Variants in SPATA6 observed in about 807,000 individuals in gnomAD.
SPATA6 encodes spermatogenesis-associated protein 6.
In SPATA6, 56 loss-of-function variants were observed where a neutral mutation model predicts 65.3. The ratio of observed to expected loss-of-function variants is 0.86; its 90% CI spans 0.69 to 1.07. The LOEUF is 1.07. SPATA6 is among the 50% of genes least tolerant of loss of function. SPATA6 has a pLI of 0.00. For synonymous variants in SPATA6, 199 were observed against 213.2 expected, an observed-to-expected ratio of 0.93 and a Z score of 0.58; for missense variants, 590 against 594.8, an observed-to-expected ratio of 0.99 and a Z score of 0.08.
intron 9 of SPATA6, among the ~76,000 whole-genome samples, chr1:48,367,625 C>A (rs1014407780): frequency 4.6e-5 from 7 of 152,010 alleles, no homozygotes; most frequent in African/African-American, 1.7e-4. Context: ...CAACCCCTGC[C>A]TTTTTTTGTT....
rs1208076071 is a variant in SPATA6 at position 48,452,992 on chromosome 1, A to G, written c.189+2T>C. ...AATACTTGATCTGATATTTGAACTC[A>G]CCTTTTCAAACACCATTCTGGCATT... On this transcript the variant is annotated splice_donor_variant, in intron 2 of 12. Transcript: ENST00000371847. LOFTEE classifies it high-confidence loss of function. The G allele has an allele frequency of 6.2e-7, 1 of 1,610,608 alleles. No homozygotes were observed. Among genetic ancestry groups the G allele is most frequent in the Non-Finnish European group, 8.5e-7 (1 of 1,179,166 alleles).
chr1:48,387,098 C>A (rs1239870553), intron 8 of SPATA6, among the ~76,000 whole-genome samples: 1 of 152,176 alleles, frequency 6.6e-6, no homozygotes, highest in Non-Finnish European at 1.5e-5. Context: ...TCACGTCTTA[C>A]ATGGATGGCA....
intron 8 of SPATA6, among the ~76,000 whole-genome samples, chr1:48,390,887 C>T (rs1454855774): frequency 6.6e-6 from 1 of 152,098 alleles, no homozygotes; most frequent in African/African-American, 2.4e-5. Context: ...GTACCCTGAA[C>T]CATACCAGAA....
At chr1:48,285,445 T>C in the SPATA6 span, among the ~76,000 whole-genome samples, 3 of 149,018 alleles carry the variant, frequency 2.0e-5, no homozygotes, top group African/African-American at 7.5e-5. Context: ...AATGGTTGTG[T>C]CTCACTGACA....
In SPATA6 at chr1:48,428,479, T is replaced by C. The variant is rs577250988; in HGVS notation, c.239-15328A>G. 2.2e-3 allele frequency among the ~76,000 whole-genome samples: 330 copies of C among 152,148 alleles called. 1 individual carries two copies. The highest frequency in any genetic ancestry group is 3.9e-3 in the Non-Finnish European group (265 of 68,006). On this transcript the variant is annotated intron_variant, in intron 3 of 12. Transcript: ENST00000371847. ...TAATAATAATAATAACATAAAAACA[T>C]AGTCAACATGTTTTGTGCATTGCAC...
At chr1:48,434,996 C>T (rs985862950) in intron 3 of SPATA6, among the ~76,000 whole-genome samples, 2 of 150,392 alleles carry the variant, frequency 1.3e-5, no homozygotes, top group African/African-American at 4.9e-5. Flanking sequence ...AATTATATAA[C>T]TAATTTATTA....
At chr1:48,275,537 T>C in the SPATA6 span, among the ~76,000 whole-genome samples, 1 of 152,068 alleles carries the variant, frequency 6.6e-6, no homozygotes, top group African/African-American at 2.4e-5. Flanking sequence ...TCATTGAGAG[T>C]TTTTAGCAAG....
Position 48,298,654 on chromosome 1 carries a change from A to G in SPATA6, c.*59T>C, listed in dbSNP as rs981783905. 2 of 1,510,772 alleles carry G rather than the reference A, an allele frequency of 1.3e-6. No homozygotes were observed. The highest frequency in any genetic ancestry group is 1.8e-6 in the Non-Finnish European group (2 of 1,117,502). The allele number at this position is 1,510,772 out of a possible 1,614,324, so 93.6% of individuals were successfully genotyped here. A position where few individuals can be genotyped will look rare whatever the true frequency, so the allele number is the denominator to read the frequency against. ...AAAAAGGAATACAGATATTGATCACATCAAACATTTTCATTGAGAAATTGA... is the reference window on the plus strand; with the variant it reads ...AAAAAGGAATACAGATATTGATCACGTCAAACATTTTCATTGAGAAATTGA... On this transcript the variant is annotated 3_prime_UTR_variant, in exon 13 of 13. Coordinates refer to ENST00000371847, the MANE Select transcript of SPATA6 (RefSeq NM_019073.4).
At chr1:48,317,500 G>A (rs1397126722) in intron 11 of SPATA6, among the ~76,000 whole-genome samples, 2 of 152,014 alleles carry the variant, frequency 1.3e-5, no homozygotes, top group Non-Finnish European at 2.9e-5. Flanking sequence ...ACACAGGAAG[G>A]GGAACATCAC....
At chr1:48,336,858 T>C (rs940866310) in intron 11 of SPATA6, among the ~76,000 whole-genome samples, 2 of 151,860 alleles carry the variant, frequency 1.3e-5, no homozygotes, top group African/African-American at 4.8e-5. Context: ...AGTTTGATAA[T>C]ATAAATGAAA....
At chr1:48,276,621 G>T in the SPATA6 span, among the ~76,000 whole-genome samples, 2 of 152,118 alleles carry the variant, frequency 1.3e-5, no homozygotes, top group Non-Finnish European at 2.9e-5. Context: ...AGGTTTTTCA[G>T]TTTCCATATA....
At chr1:48,399,968 T>C (rs1423273277) in intron 6 of SPATA6, among the ~76,000 whole-genome samples, 1 of 13,046 alleles carries the variant, frequency 7.7e-5, no homozygotes, top group Non-Finnish European at 3.5e-3. Context: ...ACTAAAAAAG[T>C]GCAAACATTG....
chr1:48,342,105 C>T (rs1646231882), intron 11 of SPATA6, among the ~76,000 whole-genome samples: 1 of 152,112 alleles, frequency 6.6e-6, no homozygotes, highest in Non-Finnish European at 1.5e-5. Flanking sequence ...TGTGAAGGGC[C>T]AGGTAGGAAA....
chr1:48,409,318 C>T (rs1360498285), intron 5 of SPATA6, among the ~76,000 whole-genome samples: 2 of 152,256 alleles, frequency 1.3e-5, no homozygotes, highest in Non-Finnish European at 2.9e-5. Flanking sequence ...CCAGGTCACA[C>T]TGATACAAGA....
intron 11 of SPATA6, among the ~76,000 whole-genome samples, chr1:48,306,224 C>A (rs1645058902): frequency 2.0e-5 from 3 of 151,972 alleles, no homozygotes; most frequent in Admixed American, 1.3e-4. Flanking sequence ...AGAGATTGTA[C>A]CTGCATTTTG....
chr1:48,413,086 A>T, intron 4 of SPATA6, 24 bp downstream of exon 4: 5 of 875,914 alleles, frequency 5.7e-6, no homozygotes, highest in Non-Finnish European at 7.9e-6. Context: ...CTTATATTGT[A>T]TATATTACAT....
intron 8 of SPATA6, among the ~76,000 whole-genome samples, chr1:48,391,203 G>GAAA (rs34715593): frequency 9.2e-6 from 1 of 108,418 alleles, no homozygotes; most frequent in Non-Finnish European, 1.9e-5. Flanking sequence ...AATCTCTACA[G>GAAA]AAAAAAAAAA....
At chr1:48,461,068 C>A (rs962036717) in intron 1 of SPATA6, among the ~76,000 whole-genome samples, 1 of 151,992 alleles carries the variant, frequency 6.6e-6, no homozygotes, top group African/African-American at 2.4e-5. Context: ...CAGGAGAGAA[C>A]AGCAGAAAAA....
intron 3 of SPATA6, among the ~76,000 whole-genome samples, chr1:48,447,507 A>C (rs1399657393): frequency 6.6e-6 from 1 of 152,172 alleles, no homozygotes; most frequent in Non-Finnish European, 1.5e-5. Flanking sequence ...TGACAGGGTG[A>C]GACTCCATCT....
Sources: gnomAD v4.1 joint callset for allele counts (sites outside exome capture counted in the v4.1 genomes callset) on GRCh38, gnomAD v4.1.1 for gene constraint, MANE v1.5 for transcripts, NCBI Gene and HGNC (gene_info 2026-07-23, HGNC 2026-07-21) for gene names.